The following POGZ variants were observed in gnomAD, a reference collection of about 807,000 sequenced individuals.
POGZ encodes pogo transposable element with ZNF domain.
POGZ carries 17 observed loss-of-function variants against 134.6 expected under a neutral mutation model. That is an observed-to-expected ratio of 0.13 (90% confidence interval 0.09 to 0.19). The LOEUF (loss-of-function observed/expected upper bound fraction) is 0.19, where lower values mean the gene tolerates loss of function less well. Ranked by LOEUF, POGZ falls within the 10% of genes least tolerant of loss-of-function variation. POGZ has a pLI of 1.00. For missense variants in POGZ, 1,306 were observed against 1,769.7 expected (o/e 0.74, Z 4.70); for synonymous variants, 693 against 657.1 (o/e 1.05, Z -0.84).
Position 151,412,308 on chromosome 1 carries a change from A to T in POGZ, c.1767T>A (p.Pro589=), listed in dbSNP as rs35441120. The change falls in exon 11 of 19, where the codon CCT becomes CCA. Residue 589 remains proline (P), a synonymous_variant. Transcript: ENST00000271715. ...AAAAAGGCAATACCTGGCAAACATA[A>T]GGCATCTCTCCAGGCTTATGAGTAT... is the stretch of plus-strand genomic sequence containing the variant. The part of the protein sequence containing the change: ...MKDTHKPGEM[P]YVCQVCQYRS... 1.3e-6 allele frequency: 2 copies of T among 1,585,012 alleles called. No individual in the cohort carries two copies. Among genetic ancestry groups the T allele is most frequent in the Non-Finnish European group, 1.7e-6 (2 of 1,156,584 alleles).
intron 10 of POGZ, 51 bp from the exon 11 acceptor site, chr1:151,412,447 C>T (rs1654837733): frequency 1.0e-6 from 1 of 957,264 alleles, no homozygotes. Flanking sequence ...AGACAAAAGT[C>T]CTGCTGACTC....
chr1:151,418,057 T>C (rs1229499580), intron 10 of POGZ, among the ~76,000 whole-genome samples: 1 of 151,464 alleles, frequency 6.6e-6, no homozygotes, highest in Non-Finnish European at 1.5e-5. Context: ...CACTAAAAAA[T>C]ACAAAAAAAT....
Position 151,408,399 on chromosome 1 carries a change from A to C in POGZ, c.2234+10T>G, listed in dbSNP as rs758811650. On this transcript the variant is annotated intron_variant, in intron 14 of 18. Coordinates refer to ENST00000271715, the MANE Select transcript of POGZ (RefSeq NM_015100.4). ...CCCCACCCGCCCAGCACTTAGAAGA[A>C]GGCGCTGACATTTTCCTAACAGCTC... is the stretch of plus-strand genomic sequence containing the variant. 7.9e-5 allele frequency: 125 copies of C among 1,584,002 alleles called. No individual in the cohort carries two copies. The highest frequency in any genetic ancestry group is 9.9e-5 in the Non-Finnish European group (116 of 1,170,820).
chr1:151,437,526 TG>T (rs1414229332), intron 3 of POGZ, among the ~76,000 whole-genome samples: 1 of 151,806 alleles, frequency 6.6e-6, no homozygotes, highest in Non-Finnish European at 1.5e-5. Context: ...CCGTGGTGGG[TG>T]GATCACTTGA....
At chr1:151,433,128 T>C (rs1658978173) in intron 3 of POGZ, among the ~76,000 whole-genome samples, 1 of 152,148 alleles carries the variant, frequency 6.6e-6, no homozygotes, top group African/African-American at 2.4e-5. Context: ...CCCAATTAAA[T>C]ACAAGAAGGG....
Position 151,404,988 on chromosome 1 carries a change from T to G in POGZ, c.4047A>C (p.Leu1349=), listed in dbSNP as rs1480307945. 4 of 1,614,138 alleles carry G rather than the reference T, an allele frequency of 2.5e-6. No homozygotes were observed. The highest frequency in any genetic ancestry group is 3.4e-6 in the Non-Finnish European group (4 of 1,180,002). Residue 1349 remains leucine (L), a synonymous_variant, in exon 19 of 19, where the codon CTA becomes CTC. Coordinates refer to ENST00000271715, the MANE Select transcript of POGZ (RefSeq NM_015100.4). ...PTRNADMQEE[L]IASLEEQLKL... ...TCAGTTGCTCCTCTAGGGAGGCAAT[T>G]AGCTCCTCCTGCATGTCAGCATTTC...
chr1:151,429,589 AC>A lies in POGZ; in HGVS notation c.568+13del, dbSNP rs1192212780. 1 of 1,374,470 alleles carries A rather than the reference AC, an allele frequency of 7.3e-7. No individual in the cohort carries two copies. Among genetic ancestry groups the A allele is most frequent in the East Asian group, 2.3e-5 (1 of 43,218 alleles). 85.1% of individuals were successfully genotyped at this position (1,374,470 alleles called of 1,614,324 possible). A position where few individuals can be genotyped will look rare whatever the true frequency, so the allele number is the denominator to read the frequency against. On this transcript the variant is annotated intron_variant, in intron 5 of 18. Coordinates refer to ENST00000271715, the MANE Select transcript of POGZ (RefSeq NM_015100.4). ...ATGCCAGTTTATTCCAAATGGATAGACATTTTTCCTTACCTGGAACTAGTGT... is the reference window on the plus strand; with the variant it reads ...ATGCCAGTTTATTCCAAATGGATAGAATTTTTCCTTACCTGGAACTAGTGT...
At chr1:151,456,472 T>C (rs1662784920) in intron 1 of POGZ, among the ~76,000 whole-genome samples, 1 of 152,222 alleles carries the variant, frequency 6.6e-6, no homozygotes, top group African/African-American at 2.4e-5. Context: ...AACCATAGTC[T>C]GCTAGTCGTT....
At chr1:151,431,847 A>T (rs1428034705) in intron 3 of POGZ, among the ~76,000 whole-genome samples, 1 of 152,150 alleles carries the variant, frequency 6.6e-6, no homozygotes, top group Non-Finnish European at 1.5e-5. Context: ...CAGATAGAAA[A>T]TTTCAGAGAG....
At chr1:151,416,241 AGAAAGAAAAG>A (rs1655658013) in intron 10 of POGZ, among the ~76,000 whole-genome samples, 2 of 145,598 alleles carry the variant, frequency 1.4e-5, no homozygotes, top group Middle Eastern at 3.6e-3. Context: ...AAAAAGAAAA[AGAAAGAAAAG>A]AAAAAAAAAA....
intron 3 of POGZ, among the ~76,000 whole-genome samples, chr1:151,434,614 T>C (rs1266870496): frequency 6.6e-6 from 1 of 152,224 alleles, no homozygotes; most frequent in Non-Finnish European, 1.5e-5. Context: ...GACAGAGTCT[T>C]GCTCTGTCAC....
chr1:151,434,739 T>C (rs1045089533), intron 3 of POGZ, among the ~76,000 whole-genome samples: 2 of 151,722 alleles, frequency 1.3e-5, no homozygotes, highest in South Asian at 4.2e-4. Context: ...CATGCCACCA[T>C]GCCCAGCTCA....
At chr1:151,433,776 G>A (rs918817892) in intron 3 of POGZ, among the ~76,000 whole-genome samples, 2 of 152,084 alleles carry the variant, frequency 1.3e-5, no homozygotes, top group East Asian at 1.9e-4. Context: ...AATGATTTCT[G>A]CAATCTTTGC....
intron 10 of POGZ, 52 bp downstream of exon 10, chr1:151,423,345 T>C (rs1246522588): frequency 2.1e-5 from 32 of 1,494,128 alleles, no homozygotes; most frequent in South Asian, 1.9e-4. Flanking sequence ...CGCCATTCAA[T>C]GAGTGAACAG....
At chr1:151,445,478 C>T (rs937133046) in intron 1 of POGZ, among the ~76,000 whole-genome samples, 3 of 143,936 alleles carry the variant, frequency 2.1e-5, no homozygotes, top group Admixed American at 7.2e-5. Flanking sequence ...GCCAAGATCA[C>T]GCCACTGCAC....
Position 151,407,025 on chromosome 1 carries a change from TAA to T in POGZ, c.2433-4_2433-3del. On this transcript the variant is annotated splice_region_variant and splice_polypyrimidine_tract_variant and intron_variant, in intron 16 of 18. Transcript: ENST00000271715. Reference sequence around the variant, plus strand: ...GAAGTGCAGGCCAGCTTGATTCCACTAAAAAAGAGAATTGAGACTATGTAAGA... The same window carrying T: ...GAAGTGCAGGCCAGCTTGATTCCACTAAAAGAGAATTGAGACTATGTAAGA... 1.9e-6 allele frequency: 3 copies of T among 1,609,404 alleles called. No individual in the cohort carries two copies. The highest frequency in any genetic ancestry group is 2.6e-6 in the Non-Finnish European group (3 of 1,176,006).
intron 1 of POGZ, among the ~76,000 whole-genome samples, chr1:151,444,131 C>T (rs537377486): frequency 6.6e-6 from 1 of 152,266 alleles, no homozygotes; most frequent in Admixed American, 6.5e-5. Flanking sequence ...GGGTAAAGTG[C>T]TTAACTGGAT....
chr1:151,437,457 A>T (rs1659810039), intron 3 of POGZ, among the ~76,000 whole-genome samples: 1 of 152,200 alleles, frequency 6.6e-6, no homozygotes, highest in African/African-American at 2.4e-5. Context: ...TTTAAAAATT[A>T]TTCTCATTTG....
At chr1:151,453,306 G>C (rs1662368314) in intron 1 of POGZ, among the ~76,000 whole-genome samples, 1 of 151,884 alleles carries the variant, frequency 6.6e-6, no homozygotes, top group Non-Finnish European at 1.5e-5. Context: ...TCATATCTTA[G>C]CTGTGATATT....
Sources: gnomAD v4.1 joint callset for allele counts (sites outside exome capture counted in the v4.1 genomes callset) on GRCh38, gnomAD v4.1.1 for gene constraint, MANE v1.5 for transcripts, NCBI Gene and HGNC (gene_info 2026-07-23, HGNC 2026-07-21) for gene names.